The following NHSL1 variants were observed in gnomAD, a reference collection of about 807,000 sequenced individuals.
NHSL1 encodes the protein NHS like 1, also known as NHS-like protein 1.
A neutral mutation model predicts 95.0 loss-of-function variants in NHSL1; 48 were observed. The observed-to-expected ratio is 0.51, with a 90% CI of 0.40 to 0.64. NHSL1 has a LOEUF of 0.64. NHSL1 is among the 30% of genes least tolerant of loss of function. NHSL1 has a pLI of 0.00. For missense variants in NHSL1, 1,971 were observed against 2,077.7 expected (o/e 0.95, Z 1.00); for synonymous variants, 783 against 833.9 (o/e 0.94, Z 1.05).
intron 1 of NHSL1, among the ~76,000 whole-genome samples, chr6:138,590,693 C>A (rs1562385038): frequency 1.3e-5 from 2 of 152,182 alleles, no homozygotes; most frequent in Non-Finnish European, 2.9e-5. Flanking sequence ...GGCTGTTTAC[C>A]CTCTCCATTG....
intron 1 of NHSL1, among the ~76,000 whole-genome samples, chr6:138,687,605 C>T (rs1343206855): frequency 6.6e-6 from 1 of 152,136 alleles, no homozygotes; most frequent in Non-Finnish European, 1.5e-5. Flanking sequence ...TATAACCTGG[C>T]CTTCCCTCCT....
At chr6:138,575,768 G>A (rs1241686380), upstream of NHSL1, among the ~76,000 whole-genome samples, 1 of 152,038 alleles carries the variant, frequency 6.6e-6, no homozygotes, top group African/African-American at 2.4e-5. Flanking sequence ...TTCTTAAGAA[G>A]CTACTATATT....
At chr6:138,592,698 T>C (rs1161404150) in intron 1 of NHSL1, among the ~76,000 whole-genome samples, 1 of 152,158 alleles carries the variant, frequency 6.6e-6, no homozygotes, top group Non-Finnish European at 1.5e-5. Context: ...ATGCAGGTAA[T>C]TGCCCTTAAG....
upstream of NHSL1, among the ~76,000 whole-genome samples, chr6:138,575,647 C>T (rs1783958364): frequency 6.6e-6 from 1 of 152,108 alleles, no homozygotes; most frequent in Admixed American, 6.5e-5. Context: ...ATCAGAGTTC[C>T]TGTTGATCAA....
intron 5 of NHSL1, among the ~76,000 whole-genome samples, chr6:138,437,349 T>C (rs1353830186): frequency 4.8e-5 from 4 of 82,732 alleles, no homozygotes; most frequent in African/African-American, 1.7e-4. Context: ...TATACACATA[T>C]ATATATACAC....
intron 3 of NHSL1, among the ~76,000 whole-genome samples, chr6:138,469,907 T>C (rs1372111577): frequency 6.6e-6 from 1 of 151,966 alleles, no homozygotes; most frequent in Non-Finnish European, 1.5e-5. Context: ...AATCAAGAAA[T>C]GGTTAATACA....
intron 3 of NHSL1, among the ~76,000 whole-genome samples, chr6:138,447,794 T>A (rs1379192015): frequency 2.6e-5 from 4 of 152,014 alleles, no homozygotes; most frequent in Non-Finnish European, 5.9e-5. Flanking sequence ...AAAAAGAAAG[T>A]TCGTGGGTTT....
intron 1 of NHSL1, among the ~76,000 whole-genome samples, chr6:138,599,937 T>A (rs1181805982): frequency 6.6e-6 from 1 of 151,678 alleles, no homozygotes; most frequent in East Asian, 1.9e-4. Flanking sequence ...AGGTCAGGAG[T>A]TCGAGACCAG....
chr6:138,475,498 G>A (rs1779014477), intron 2 of NHSL1, among the ~76,000 whole-genome samples: 3 of 152,070 alleles, frequency 2.0e-5, no homozygotes, highest in African/African-American at 2.4e-5. Context: ...AAAGTACTGG[G>A]ATTATAGCCG....
At chr6:138,443,032 TACACATATATATACATATATACAC>T (rs1776627684) in intron 4 of NHSL1, among the ~76,000 whole-genome samples, 1 of 150,380 alleles carries the variant, frequency 6.6e-6, no homozygotes, top group Non-Finnish European at 1.5e-5. Flanking sequence ...CATATATATA[TACACATATATATACATATATACAC>T]ACACACATAT....
intron 1 of NHSL1, among the ~76,000 whole-genome samples, chr6:138,561,373 C>T (rs1354326432): frequency 1.3e-5 from 2 of 152,196 alleles, no homozygotes; most frequent in East Asian, 3.9e-4. Flanking sequence ...ATAGCTTATT[C>T]CCTCCTCTTC....
chr6:138,454,044 A>G (rs1777414579), intron 3 of NHSL1, among the ~76,000 whole-genome samples: 1 of 152,212 alleles, frequency 6.6e-6, no homozygotes, highest in African/African-American at 2.4e-5. Flanking sequence ...CATAATGAAT[A>G]TTCAAGAACT....
At chr6:138,660,577 C>T (rs902192299) in intron 1 of NHSL1, among the ~76,000 whole-genome samples, 2 of 151,080 alleles carry the variant, frequency 1.3e-5, no homozygotes, top group South Asian at 2.1e-4. Flanking sequence ...GGAGGTGGAG[C>T]TTGCAGTGAG....
chr6:138,587,503 CA>C (rs35723995), intron 1 of NHSL1, among the ~76,000 whole-genome samples: 3,339 of 59,866 alleles, frequency 0.056, 101 homozygotes, highest in African/African-American at 0.14. Flanking sequence ...AAAACTCTGT[CA>C]AAAAAAAAAA....
rs184779215 is a variant in NHSL1, at chr6:138,452,606, A to G, written c.340-5413T>C. Among the ~76,000 whole-genome samples the G allele has an allele frequency of 2.3e-3, 353 of 152,338 alleles. 5 individuals are homozygous for G. The highest frequency in any genetic ancestry group is 8.1e-3 in the African/African-American group (337 of 41,582). The stretch of plus-strand genomic sequence containing the variant: ...CTATATAGTTGATGTCTTTAAGAAG[A>G]CAGCCACATACATTCCAGTCCTTTT... On this transcript the variant is annotated intron_variant, in intron 3 of 7. Transcript: ENST00000343505.
chr6:138,439,531 A>G (rs1000565723), intron 5 of NHSL1, among the ~76,000 whole-genome samples: 3 of 152,258 alleles, frequency 2.0e-5, no homozygotes, highest in Admixed American at 2.0e-4. Context: ...GAAAGGACAG[A>G]ACAAATAAAT....
intron 1 of NHSL1, among the ~76,000 whole-genome samples, chr6:138,683,480 T>C (rs1785539536): frequency 1.3e-5 from 2 of 152,242 alleles, no homozygotes; most frequent in Non-Finnish European, 2.9e-5. Flanking sequence ...GCTAAGTAAG[T>C]ACTTTTGATG....
At chr6:138,525,315 C>G (rs569224913) in intron 1 of NHSL1, among the ~76,000 whole-genome samples, 2 of 151,830 alleles carry the variant, frequency 1.3e-5, no homozygotes, top group Non-Finnish European at 1.5e-5. Flanking sequence ...TTCTTGAGCC[C>G]GGGAGTTGGA....
At chr6:138,639,210 T>C (rs910098111) in intron 1 of NHSL1, among the ~76,000 whole-genome samples, 3 of 152,266 alleles carry the variant, frequency 2.0e-5, no homozygotes, top group Non-Finnish European at 2.9e-5. Flanking sequence ...GGAGCAATTA[T>C]AGATATTCCC....
Sources: allele counts gnomAD v4.1 joint callset (sites outside exome capture counted in the v4.1 genomes callset), GRCh38; gene constraint gnomAD v4.1.1; transcripts MANE v1.5; gene names NCBI Gene and HGNC (gene_info 2026-07-23, HGNC 2026-07-21).